The following KCND2 variants were observed in gnomAD, a reference collection of about 807,000 sequenced individuals.
The protein encoded by KCND2 is A-type voltage-gated potassium channel KCND2.
In KCND2, 16 loss-of-function variants were observed where a neutral mutation model predicts 54.4. The observed-to-expected ratio is 0.29, with a 90% CI of 0.20 to 0.45. KCND2 has a LOEUF of 0.45. Among genes scored for constraint, KCND2 ranks in the 20% least tolerant of loss-of-function variants. The probability of loss-of-function intolerance (pLI) is 1.00; values close to 1 mark genes in which losing one functional copy is unlikely to be tolerated. For missense variants in KCND2, 486 were observed against 824.2 expected, an observed-to-expected ratio of 0.59 and a Z score of 5.02; for synonymous variants, 317 against 310.7, an observed-to-expected ratio of 1.02 and a Z score of -0.21.
intron 1 of KCND2, among the ~76,000 whole-genome samples, chr7:120,281,630 A>G (rs1008108075): frequency 6.6e-6 from 1 of 152,176 alleles, no homozygotes; most frequent in Non-Finnish European, 1.5e-5. Context: ...ATTTTTATAT[A>G]TAATTTATGG....
At position 120,287,800 on chromosome 7, in the gene KCND2, C is replaced by T. The variant is rs550206116; in HGVS notation, c.1115+12053C>T. 2.9e-4 allele frequency among the ~76,000 whole-genome samples: 44 copies of T among 152,112 alleles called. 1 individual carries two copies. Among genetic ancestry groups the T allele is most frequent in the African/African-American group, 9.9e-4 (41 of 41,526 alleles). On this transcript the variant is annotated intron_variant, in intron 1 of 5. Coordinates refer to ENST00000331113, the MANE Select transcript of KCND2 (RefSeq NM_012281.3). ...CAGAGGTTGCAGTGAGCCGAGATTG[C>T]GCCCCACACTCCAACCTGGGTGACA...
At chr7:120,301,488 G>A (rs976888699) in intron 1 of KCND2, among the ~76,000 whole-genome samples, 3 of 151,918 alleles carry the variant, frequency 2.0e-5, no homozygotes, top group Non-Finnish European at 4.4e-5. Flanking sequence ...GGCCTTAAAG[G>A]TTTGCAGGGT....
intron 1 of KCND2, among the ~76,000 whole-genome samples, chr7:120,643,285 G>A (rs927764189): frequency 7.2e-5 from 11 of 152,112 alleles, no homozygotes; most frequent in African/African-American, 2.7e-4. Context: ...AATAATAGCT[G>A]TATATGATAG....
intron 1 of KCND2, among the ~76,000 whole-genome samples, chr7:120,520,521 T>A (rs556855717): frequency 6.6e-6 from 1 of 151,876 alleles, no homozygotes; most frequent in South Asian, 2.1e-4. Flanking sequence ...ACATGAGAAA[T>A]GGTGAATAAA....
chr7:120,667,501 T>C (rs1319180891), intron 1 of KCND2, among the ~76,000 whole-genome samples: 1 of 151,952 alleles, frequency 6.6e-6, no homozygotes, highest in Non-Finnish European at 1.5e-5. Context: ...TATAAAAATC[T>C]AAGGAGTGGC....
chr7:120,407,305 A>G (rs1390582612), intron 1 of KCND2, among the ~76,000 whole-genome samples: 1 of 152,040 alleles, frequency 6.6e-6, no homozygotes, highest in East Asian at 1.9e-4. Flanking sequence ...GTGTGCCAAC[A>G]GTTTATTAGA....
intron 1 of KCND2, among the ~76,000 whole-genome samples, chr7:120,540,000 C>T (rs1481337686): frequency 6.6e-6 from 1 of 152,216 alleles, no homozygotes; most frequent in East Asian, 1.9e-4. Context: ...TATGGAAAGG[C>T]AAGGGCTAGC....
At chr7:120,724,901 G>C (rs1362530697) in intron 1 of KCND2, among the ~76,000 whole-genome samples, 2 of 152,006 alleles carry the variant, frequency 1.3e-5, no homozygotes, top group African/African-American at 2.4e-5. Flanking sequence ...GGCTCTGAAA[G>C]GCATATTTTG....
At chr7:120,365,671 A>G (rs144583331) in intron 1 of KCND2, among the ~76,000 whole-genome samples, 33 of 152,240 alleles carry the variant, frequency 2.2e-4, no homozygotes, top group African/African-American at 7.0e-4. Flanking sequence ...CAATCGTACA[A>G]TTACTAAATA....
intron 1 of KCND2, among the ~76,000 whole-genome samples, chr7:120,372,226 A>G (rs541688075): frequency 6.6e-6 from 1 of 151,976 alleles, no homozygotes; most frequent in African/African-American, 2.4e-5. Flanking sequence ...TCTTTCTTCA[A>G]GTACTGTTTT....
intron 1 of KCND2, among the ~76,000 whole-genome samples, chr7:120,408,412 T>A (rs1336284838): frequency 1.3e-5 from 2 of 151,546 alleles, no homozygotes; most frequent in Admixed American, 6.6e-5. Context: ...TAGCTAGAGG[T>A]AAAGATTGGT....
chr7:120,462,736 C>T (rs945026621), intron 1 of KCND2, among the ~76,000 whole-genome samples: 10 of 151,628 alleles, frequency 6.6e-5, no homozygotes, highest in African/African-American at 2.4e-4. Context: ...CAACTCCTTT[C>T]CATGAAAAGA....
intron 1 of KCND2, among the ~76,000 whole-genome samples, chr7:120,682,648 A>G (rs1792153930): frequency 6.6e-6 from 1 of 152,160 alleles, no homozygotes; most frequent in African/African-American, 2.4e-5. Flanking sequence ...GAAAGCTGAA[A>G]AAATACTTCA....
intron 1 of KCND2, among the ~76,000 whole-genome samples, chr7:120,401,982 C>G (rs1801261143): frequency 6.6e-6 from 1 of 152,050 alleles, no homozygotes; most frequent in Non-Finnish European, 1.5e-5. Flanking sequence ...AAAATTAGGG[C>G]CCGATGGCTC....
chr7:120,738,843 A>G (rs1317408773), intron 2 of KCND2, among the ~76,000 whole-genome samples: 1 of 152,072 alleles, frequency 6.6e-6, no homozygotes, highest in Non-Finnish European at 1.5e-5. Flanking sequence ...TCCCTCAATT[A>G]CCTGCTGTAA....
At chr7:120,423,249 T>C (rs1290621033) in intron 1 of KCND2, among the ~76,000 whole-genome samples, 1 of 152,214 alleles carries the variant, frequency 6.6e-6, no homozygotes, top group Non-Finnish European at 1.5e-5. Flanking sequence ...TCCTGTATTA[T>C]GAAATTTCCC....
At chr7:120,583,628 G>T (rs1274553599) in intron 1 of KCND2, among the ~76,000 whole-genome samples, 1 of 152,000 alleles carries the variant, frequency 6.6e-6, no homozygotes, top group Non-Finnish European at 1.5e-5. Flanking sequence ...GCCTCTCTGT[G>T]TCTAAATGTT....
intron 1 of KCND2, among the ~76,000 whole-genome samples, chr7:120,599,064 C>T (rs570031213): frequency 1.7e-3 from 257 of 152,256 alleles, no homozygotes; most frequent in Non-Finnish European, 2.7e-3. Flanking sequence ...TGTTCCAGCA[C>T]TATTTGTTCA....
intron 1 of KCND2, among the ~76,000 whole-genome samples, chr7:120,299,395 G>T (rs1013326893): frequency 1.8e-4 from 27 of 151,774 alleles, no homozygotes; most frequent in African/African-American, 5.6e-4. Flanking sequence ...TGTGTGTGTG[G>T]TATGACTTGT....
Sources: allele counts gnomAD v4.1 joint callset (sites outside exome capture counted in the v4.1 genomes callset), GRCh38; gene constraint gnomAD v4.1.1; transcripts MANE v1.5; gene names NCBI Gene and HGNC (gene_info 2026-07-23, HGNC 2026-07-21).